The following LUZP2 variants were observed in gnomAD, a reference collection of about 807,000 sequenced individuals.
The protein encoded by LUZP2 is leucine zipper protein 2.
Under a neutral mutation model 51.6 loss-of-function variants are expected in LUZP2, and 52 were observed. That is an observed-to-expected ratio of 1.01 (90% CI 0.81 to 1.27). LUZP2 has a LOEUF of 1.27. Among genes scored for constraint, LUZP2 ranks in the 50% most tolerant of loss-of-function variants. The pLI is 0.00. For missense variants in LUZP2, 436 were observed against 395.4 expected (o/e 1.10, Z -0.87); for synonymous variants, 154 against 137.3 (o/e 1.12, Z -0.85).
chr11:24,802,027 C>G (rs900773199), intron 5 of LUZP2, among the ~76,000 whole-genome samples: 1 of 151,794 alleles, frequency 6.6e-6, no homozygotes, highest in Admixed American at 6.6e-5. Flanking sequence ...TGCATGTAAT[C>G]CAAACATTAC....
chr11:24,521,503 C>T (rs746380075), intron 1 of LUZP2, among the ~76,000 whole-genome samples: 9 of 151,882 alleles, frequency 5.9e-5, no homozygotes, highest in Non-Finnish European at 1.3e-4. Context: ...TTTTAAAGGC[C>T]TAGCATTTCA....
At chr11:24,498,608 G>A (rs550861177) in intron 1 of LUZP2, among the ~76,000 whole-genome samples, 1 of 152,330 alleles carries the variant, frequency 6.6e-6, no homozygotes, top group Non-Finnish European at 1.5e-5. Context: ...CTCATAAAGT[G>A]CAGATGGTTT....
intron 1 of LUZP2, among the ~76,000 whole-genome samples, chr11:24,580,602 CA>C (rs980236649): frequency 1.2e-4 from 18 of 147,980 alleles, no homozygotes; most frequent in African/African-American, 3.2e-4. Flanking sequence ...TTTCACAAAA[CA>C]AAAAAAAAAT....
chr11:25,020,848 G>A (rs2133973989), intron 9 of LUZP2, among the ~76,000 whole-genome samples: 1 of 151,730 alleles, frequency 6.6e-6, no homozygotes, highest in Admixed American at 6.6e-5. Context: ...GTTGTAATAG[G>A]CACATGATAA....
intron 1 of LUZP2, among the ~76,000 whole-genome samples, chr11:24,607,487 T>C (rs1004643211): frequency 3.3e-5 from 5 of 151,854 alleles, no homozygotes; most frequent in Admixed American, 2.6e-4. Context: ...ACTCTGGACT[T>C]TTTTTTATAT....
chr11:24,771,049 T>C (rs1258142998), intron 5 of LUZP2, among the ~76,000 whole-genome samples: 1 of 152,206 alleles, frequency 6.6e-6, no homozygotes, highest in East Asian at 1.9e-4. Flanking sequence ...GCACAGATCA[T>C]GTCTGAATAG....
intron 10 of LUZP2, among the ~76,000 whole-genome samples, chr11:25,069,781 T>G (rs1859103214): frequency 6.6e-6 from 1 of 151,872 alleles, no homozygotes; most frequent in East Asian, 1.9e-4. Context: ...AGTTCTTTAT[T>G]TGATTATACT....
intron 1 of LUZP2, among the ~76,000 whole-genome samples, chr11:24,571,419 G>C (rs1852439563): frequency 6.6e-6 from 1 of 151,996 alleles, no homozygotes; most frequent in African/African-American, 2.4e-5. Context: ...ATAAATATTA[G>C]TATATTTATA....
chr11:25,006,974 G>A (rs1019842848), intron 9 of LUZP2, among the ~76,000 whole-genome samples: 4 of 152,132 alleles, frequency 2.6e-5, no homozygotes, highest in African/African-American at 9.7e-5. Context: ...CTGCTGATTG[G>A]TCCATTTTAC....
intron 4 of LUZP2, among the ~76,000 whole-genome samples, chr11:24,757,303 A>G (rs1259181181): frequency 6.6e-6 from 1 of 152,230 alleles, no homozygotes; most frequent in Non-Finnish European, 1.5e-5. Flanking sequence ...AAATATTAGT[A>G]GCACATATGT....
intron 7 of LUZP2, among the ~76,000 whole-genome samples, chr11:24,924,146 C>T (rs990174067): frequency 2.2e-4 from 34 of 151,296 alleles, no homozygotes; most frequent in Admixed American, 2.2e-3. Flanking sequence ...GGCGTGATCT[C>T]GGCTCACTGC....
At chr11:24,558,329 T>G (rs1851932594) in intron 1 of LUZP2, among the ~76,000 whole-genome samples, 1 of 151,956 alleles carries the variant, frequency 6.6e-6, no homozygotes, top group Admixed American at 6.6e-5. Context: ...AGGTGGGATT[T>G]TTTCGGACTT....
At chr11:24,555,366 T>C (rs987503349) in intron 1 of LUZP2, among the ~76,000 whole-genome samples, 1 of 152,194 alleles carries the variant, frequency 6.6e-6, no homozygotes, top group Non-Finnish European at 1.5e-5. Context: ...ATAAATATGC[T>C]TGTTGTTTCT....
At chr11:24,660,969 T>C (rs1266646050) in intron 1 of LUZP2, among the ~76,000 whole-genome samples, 1 of 152,184 alleles carries the variant, frequency 6.6e-6, no homozygotes, top group Non-Finnish European at 1.5e-5. Flanking sequence ...TCTTGTTTCT[T>C]GGAGAAATGT....
At chr11:24,860,255 G>A (rs533821472) in intron 5 of LUZP2, among the ~76,000 whole-genome samples, 22 of 152,232 alleles carry the variant, frequency 1.4e-4, no homozygotes, top group Admixed American at 7.8e-4. Flanking sequence ...GCAGGAACTC[G>A]AGTAACCCCA....
At chr11:24,926,907 T>A (rs936188755) in intron 7 of LUZP2, among the ~76,000 whole-genome samples, 2 of 151,878 alleles carry the variant, frequency 1.3e-5, no homozygotes, top group Non-Finnish European at 2.9e-5. Context: ...ACAACTATTT[T>A]TTTTTTATTT....
At chr11:24,502,972 C>T (rs1010606276) in intron 1 of LUZP2, among the ~76,000 whole-genome samples, 6 of 152,030 alleles carry the variant, frequency 3.9e-5, no homozygotes, top group African/African-American at 1.5e-4. Context: ...TTACCAGCAA[C>T]ATTTAAAAGG....
chr11:25,027,653 C>T (rs907534928), intron 9 of LUZP2, among the ~76,000 whole-genome samples: 6 of 151,930 alleles, frequency 3.9e-5, no homozygotes, highest in South Asian at 2.1e-4. Flanking sequence ...AGGTGGATCA[C>T]GAAGTCAGGA....
Position 24,983,191 on chromosome 11 carries a change from G to A in LUZP2, c.663G>A (p.Gln221=), listed in dbSNP as rs747159642. 2.0e-5 allele frequency: 32 copies of A among 1,612,136 alleles called. No homozygotes were observed. Among genetic ancestry groups the A allele is most frequent in the Admixed American group, 3.3e-5 (2 of 59,762 alleles). The part of the protein sequence containing the change: ...QLCLTSVFRD[Q]PPPPLSLITS... ...GCTTGACATCTGTTTTCCGTGATCA[G>A]CCTCCTCCCCCTTTGAGTTTAATCA... Residue 221 remains glutamine (Q), a synonymous_variant, in exon 9 of 12, where the codon CAG becomes CAA. Transcript: ENST00000336930.
Sources: gnomAD v4.1 joint callset for allele counts (sites outside exome capture counted in the v4.1 genomes callset) on GRCh38, gnomAD v4.1.1 for gene constraint, MANE v1.5 for transcripts, NCBI Gene and HGNC (gene_info 2026-07-23, HGNC 2026-07-21) for gene names.